The following SPEF2 variants were observed in gnomAD, a reference collection of about 807,000 sequenced individuals.
The protein encoded by SPEF2 is sperm flagellar and cilia associated 2.
SPEF2 carries 187 observed loss-of-function variants against 224.6 expected under a neutral mutation model. That is an observed-to-expected ratio of 0.83 (90% CI 0.74 to 0.94). The LOEUF is 0.94. Ranked by LOEUF, SPEF2 falls within the 40% of genes least tolerant of loss-of-function variation. The pLI, the probability that SPEF2 is intolerant of heterozygous loss-of-function variation, is 0.00. For missense variants in SPEF2, 2,170 were observed against 2,135.6 expected (o/e 1.02, Z -0.32); for synonymous variants, 715 against 707.3 (o/e 1.01, Z -0.17).
intron 23 of SPEF2, among the ~76,000 whole-genome samples, chr5:35,751,036 CACATAT>C (rs376516069): frequency 0.038 from 993 of 26,000 alleles, 1 homozygote; most frequent in Non-Finnish European, 0.06. Flanking sequence ...TATATATATA[CACATAT>C]GTATATATAT....
At chr5:35,787,587 T>C (rs1212946908) in intron 30 of SPEF2, among the ~76,000 whole-genome samples, 1 of 152,174 alleles carries the variant, frequency 6.6e-6, no homozygotes, top group African/African-American at 2.4e-5. Context: ...CACTGCAACA[T>C]TGGACAGTTT....
At chr5:35,719,018 C>T (rs1743132825) in intron 20 of SPEF2, among the ~76,000 whole-genome samples, 1 of 152,200 alleles carries the variant, frequency 6.6e-6, no homozygotes, top group Non-Finnish European at 1.5e-5. Flanking sequence ...GATTTGGGTG[C>T]ATGATGCTTG....
At chr5:35,803,774 A>G (rs919237506) in intron 34 of SPEF2, among the ~76,000 whole-genome samples, 2 of 152,144 alleles carry the variant, frequency 1.3e-5, no homozygotes, top group South Asian at 2.1e-4. Flanking sequence ...ATTCAATCAG[A>G]TCTCTGCTTT....
rs1398640754 is a variant in SPEF2, at chr5:35,699,514, G to A, written c.2142-982G>A. On this transcript the variant is annotated intron_variant, in intron 15 of 36. Transcript: ENST00000356031. ...CTCACTTGAATTTGTGTTAAACAGA[G>A]AAATATAACCACTTGCATGGCAAAG... The A allele has an allele frequency of 2.0e-5, 3 of 152,282 alleles. No individual in the cohort carries two copies. In the East Asian group the frequency reaches 5.8e-4, roughly 29 times the overall value. The allele number at this position is 152,282 out of a possible 1,614,324, so 9.4% of individuals were successfully genotyped here.
intron 2 of SPEF2, among the ~76,000 whole-genome samples, chr5:35,638,785 C>T (rs1237316669): frequency 1.3e-5 from 2 of 152,058 alleles, no homozygotes; most frequent in African/African-American, 2.4e-5. Flanking sequence ...AAAGTTGCAG[C>T]GTGTGTTTAT....
In SPEF2 at chr5:35,700,481, C is replaced by T. The variant is rs2149561229; in HGVS notation, c.2142-15C>T. 1 of 1,602,958 alleles carries T rather than the reference C, an allele frequency of 6.2e-7. No homozygotes were observed. The highest frequency in any genetic ancestry group is 8.5e-7 in the Non-Finnish European group (1 of 1,174,410). On this transcript the variant is annotated splice_polypyrimidine_tract_variant and intron_variant, in intron 15 of 36. Transcript: ENST00000356031. ...GTCTAACAAAATATTCATGAGTTGT[C>T]CTGTTTCAATTTAGTGAGATACCTG...
At chr5:35,653,124 A>C (rs1748436962) in intron 6 of SPEF2, among the ~76,000 whole-genome samples, 1 of 152,208 alleles carries the variant, frequency 6.6e-6, no homozygotes, top group African/African-American at 2.4e-5. Context: ...TTTGGAATGA[A>C]TCTATGAATT....
Position 35,711,828 on chromosome 5 carries a change from T to C in SPEF2, c.2840-984T>C, listed in dbSNP as rs148558082. On this transcript the variant is annotated intron_variant, in intron 19 of 36. Coordinates refer to ENST00000356031, the MANE Select transcript of SPEF2 (RefSeq NM_024867.4). ...ACTATCACTTCTAAATACAAAAAAATAGGTTAAAGGGAGTCTGTCTCCATC... is the reference window on the plus strand; with the variant it reads ...ACTATCACTTCTAAATACAAAAAAACAGGTTAAAGGGAGTCTGTCTCCATC... 8.2e-3 allele frequency among the ~76,000 whole-genome samples: 1,243 copies of C among 152,214 alleles called. 10 individuals are homozygous for C. The highest frequency in any genetic ancestry group is 0.014 in the Non-Finnish European group (949 of 67,998).
Position 35,693,044 on chromosome 5 carries a change from A to G in SPEF2, c.1899+320A>G, listed in dbSNP as rs1032798442. Among the ~76,000 whole-genome samples the G allele has an allele frequency of 3.9e-5, 6 of 152,186 alleles. 1 individual carries two copies. On this transcript the variant is annotated intron_variant, in intron 12 of 36. Coordinates refer to ENST00000356031, the MANE Select transcript of SPEF2 (RefSeq NM_024867.4). ...GGTCTAGTAGCCATCAGCTGGAGCC[A>G]TTCTCCCAAGGAAAGAGCCACTAGC...
intron 34 of SPEF2, among the ~76,000 whole-genome samples, chr5:35,806,439 G>C (rs1418825890): frequency 1.3e-5 from 2 of 152,128 alleles, no homozygotes. Context: ...TACCTGGCAG[G>C]GTAGTCAGCC....
intron 29 of SPEF2, among the ~76,000 whole-genome samples, chr5:35,776,747 G>A (rs1753658150): frequency 1.3e-5 from 2 of 152,056 alleles, no homozygotes; most frequent in African/African-American, 4.8e-5. Context: ...TTTTCCAATG[G>A]TAGATTTATT....
intron 27 of SPEF2, among the ~76,000 whole-genome samples, chr5:35,773,387 TA>T (rs1166827930): frequency 6.6e-6 from 1 of 152,036 alleles, no homozygotes; most frequent in African/African-American, 2.4e-5. Context: ...CAAAAAATAA[TA>T]ATCATATTTA....
chr5:35,803,460 G>A (rs2149863182), intron 34 of SPEF2, among the ~76,000 whole-genome samples: 1 of 152,322 alleles, frequency 6.6e-6, no homozygotes, highest in East Asian at 1.9e-4. Flanking sequence ...TGGAGGAACT[G>A]AACCAAGAAC....
chr5:35,712,876 C>G lies in SPEF2; in HGVS notation c.2904C>G (p.Leu968=), dbSNP rs193168552. 8.0e-5 allele frequency: 129 copies of G among 1,613,434 alleles called. 1 individual carries two copies. The African/African-American group carries it at 1.3e-3, about 16-fold the overall frequency. Reference sequence around the variant, plus strand: ...AAGGGAAGAAAGGTGAGACCGCACTCAAAAGAAAAGGTACAGCAGATAAAA... The same window carrying G: ...AAGGGAAGAAAGGTGAGACCGCACTGAAAAGAAAAGGTACAGCAGATAAAA... ...EGKGKKGETA[L]KRKGSPKGKS... The change falls in exon 20 of 37, where the codon CTC becomes CTG. Residue 968 remains leucine, a synonymous_variant. Transcript: ENST00000356031.
At chr5:35,709,997 T>C (rs1180512499) in intron 19 of SPEF2, 2 of 982,102 alleles carry the variant, frequency 2.0e-6, no homozygotes, top group Non-Finnish European at 2.4e-6. Flanking sequence ...TCTTAATTTT[T>C]AAAATTAAAC....
intron 16 of SPEF2, among the ~76,000 whole-genome samples, chr5:35,703,326 G>T (rs1409753631): frequency 6.6e-6 from 1 of 152,148 alleles, no homozygotes; most frequent in Non-Finnish European, 1.5e-5. Context: ...GGGAGAACTT[G>T]AAGTGTTCAT....
chr5:35,768,059 T>C (rs565267668), intron 26 of SPEF2, among the ~76,000 whole-genome samples: 1 of 152,292 alleles, frequency 6.6e-6, no homozygotes, highest in African/African-American at 2.4e-5. Context: ...TGTTGTTTTG[T>C]AATCTGTATT....
intron 21 of SPEF2, among the ~76,000 whole-genome samples, chr5:35,736,830 C>T (rs1030550890): frequency 1.3e-5 from 2 of 152,236 alleles, no homozygotes; most frequent in Non-Finnish European, 2.9e-5. Flanking sequence ...AAAGCTTTAG[C>T]AAACTTTCTC....
chr5:35,807,656 A>G (rs1012400668), intron 36 of SPEF2: 19 of 1,535,780 alleles, frequency 1.2e-5, no homozygotes, highest in African/African-American at 4.1e-5. Flanking sequence ...TCATCTATGT[A>G]GTGGAAATGA....
Sources: allele counts gnomAD v4.1 joint callset (sites outside exome capture counted in the v4.1 genomes callset), GRCh38; gene constraint gnomAD v4.1.1; transcripts MANE v1.5; gene names NCBI Gene and HGNC (gene_info 2026-07-23, HGNC 2026-07-21).